The following BCL2L13 variants were observed in gnomAD, a reference collection of about 807,000 sequenced individuals.
BCL2L13 encodes the protein BCL2 like 13.
BCL2L13 carries 13 observed loss-of-function variants against 25.8 expected under a neutral mutation model. That is an observed-to-expected ratio of 0.50 (90% CI 0.33 to 0.80). The LOEUF is 0.80. Among genes scored for constraint, BCL2L13 ranks in the 30% least tolerant of loss-of-function variants. The probability of loss-of-function intolerance (pLI) is 0.02; values close to 1 mark genes in which losing one functional copy is unlikely to be tolerated. For missense variants in BCL2L13, 504 were observed against 574.9 expected (o/e 0.88, Z 1.26); for synonymous variants, 244 against 230.3 (o/e 1.06, Z -0.54).
intron 6 of BCL2L13, among the ~76,000 whole-genome samples, chr22:17,710,473 C>T (rs896140246): frequency 2.6e-5 from 4 of 151,414 alleles, no homozygotes; most frequent in Non-Finnish European, 5.9e-5. Flanking sequence ...TTAGCTGCTC[C>T]GGAGGCTGAG....
intron 2 of BCL2L13, among the ~76,000 whole-genome samples, chr22:17,657,372 TAACTC>T (rs367725316): frequency 0.035 from 1,686 of 47,542 alleles, 38 homozygotes; most frequent in African/African-American, 0.086. Flanking sequence ...CTTCTCTACT[TAACTC>T]TACTTTGTGC....
chr22:17,657,362 CT>C (rs2058907364), intron 2 of BCL2L13, among the ~76,000 whole-genome samples: 1 of 115,506 alleles, frequency 8.7e-6, no homozygotes, highest in Non-Finnish European at 1.9e-5. Flanking sequence ...CTCTCCTCAT[CT>C]TCTCTACTTA....
At chr22:17,654,932 C>T (rs918074547) in intron 1 of BCL2L13, among the ~76,000 whole-genome samples, 1 of 152,094 alleles carries the variant, frequency 6.6e-6, no homozygotes, top group Admixed American at 6.6e-5. Context: ...CTATATTGCC[C>T]AGGCTGGTCT....
At chr22:17,640,517 C>T (rs1240961237) in intron 1 of BCL2L13, among the ~76,000 whole-genome samples, 1 of 152,076 alleles carries the variant, frequency 6.6e-6, no homozygotes. Context: ...AAATATCACA[C>T]ACATTAAGCT....
chr22:17,695,282 A>G (rs2060230258), intron 4 of BCL2L13, among the ~76,000 whole-genome samples: 2 of 152,208 alleles, frequency 1.3e-5, no homozygotes, highest in Non-Finnish European at 2.9e-5. Context: ...GAAGAAGGAA[A>G]GACCAAAATA....
At chr22:17,668,952 C>T (rs1054332320) in intron 2 of BCL2L13, among the ~76,000 whole-genome samples, 2 of 150,762 alleles carry the variant, frequency 1.3e-5, no homozygotes, top group Admixed American at 1.3e-4. Context: ...TGTCTTAGTT[C>T]ATTTATATTG....
Position 17,696,154 on chromosome 22 carries a change from C to A in BCL2L13, c.400C>A (p.Gln134Lys). The stretch of plus-strand genomic sequence containing the variant: ...AAATCTCTACAGGCCAGTGACATAT[C>A]AGGCATTTCGGGAATGTACACTGGA... The part of the protein sequence containing the change: ...QMLLSQPVTY[Q>K]AFRECTLETT... Residue 134 changes from glutamine (Q) to lysine (K), a missense_variant, in exon 5 of 7, where the codon CAG (glutamine) becomes AAG (lysine). Gln to Lys is a moderately conservative substitution (Grantham distance 53). Transcript: ENST00000317582. 6.2e-7 allele frequency: 1 copy of A among 1,613,698 alleles called. No individual in the cohort carries two copies. The highest frequency in any genetic ancestry group is 8.5e-7 in the Non-Finnish European group (1 of 1,179,656).
intron 3 of BCL2L13, among the ~76,000 whole-genome samples, chr22:17,687,024 T>C (rs1601661586): frequency 6.6e-6 from 1 of 152,062 alleles, no homozygotes; most frequent in East Asian, 1.9e-4. Flanking sequence ...AACAAAGTAT[T>C]TGTGAACTTT....
chr22:17,708,954 G>A (rs1434086365), intron 6 of BCL2L13, among the ~76,000 whole-genome samples: 3 of 152,114 alleles, frequency 2.0e-5, no homozygotes, highest in African/African-American at 7.2e-5. Flanking sequence ...AGAGAGGCTC[G>A]GCCGAGCATG....
Position 17,640,421 on chromosome 22 carries a change from T to C in BCL2L13, c.-51+1535T>C, listed in dbSNP as rs921405340. Among the ~76,000 whole-genome samples the C allele has an allele frequency of 6.6e-5, 10 of 152,194 alleles. 1 individual carries two copies. Among genetic ancestry groups the C allele is most frequent in the South Asian group, 4.1e-4 (2 of 4,832 alleles). On this transcript the variant is annotated intron_variant, in intron 1 of 6. Transcript: ENST00000317582. ...AGCAAGGACCAGTAGTTGAATTCAA[T>C]TGAAAGATGCCTAAGGCTATATCTA...
chr22:17,720,466 C>T (rs1601790884), intron 6 of BCL2L13, among the ~76,000 whole-genome samples: 1 of 152,158 alleles, frequency 6.6e-6, no homozygotes, highest in Non-Finnish European at 1.5e-5. Flanking sequence ...AAGTGATTCT[C>T]CTGCCTCAGC....
At chr22:17,719,064 G>A (rs1379582889) in intron 6 of BCL2L13, among the ~76,000 whole-genome samples, 1 of 140,700 alleles carries the variant, frequency 7.1e-6, no homozygotes, top group African/African-American at 2.7e-5. Context: ...TGAGGCAGAA[G>A]AATTGCCTGA....
chr22:17,690,062 C>A (rs1384237327), intron 4 of BCL2L13, among the ~76,000 whole-genome samples: 1 of 151,038 alleles, frequency 6.6e-6, no homozygotes, highest in Non-Finnish European at 1.5e-5. Context: ...TATTAAAAAT[C>A]AGCCTGTAAT....
intron 6 of BCL2L13, chr22:17,706,645 T>C: frequency 7.9e-7 from 1 of 1,270,914 alleles, no homozygotes; most frequent in Non-Finnish European, 1.0e-6. Context: ...TTCCTCTTAG[T>C]TTCAGTTTTG....
Position 17,728,410 on chromosome 22 carries a change from G to A in BCL2L13, c.*876G>A, listed in dbSNP as rs772456252. 1 of 152,194 alleles carries A rather than the reference G, an allele frequency of 6.6e-6. No homozygotes were observed. The highest frequency in any genetic ancestry group is 2.1e-4 in the South Asian group (1 of 4,832). The allele number at this position is 152,194 out of a possible 1,614,324, so 9.4% of individuals were successfully genotyped here. ...AGTAACTCTGGCTAGAGAGACACAT[G>A]TGTCTTGTGTCAAGGCAGGAGGATA... is the stretch of plus-strand genomic sequence containing the variant. On this transcript the variant is annotated 3_prime_UTR_variant, in exon 7 of 7. Coordinates refer to ENST00000317582, the MANE Select transcript of BCL2L13 (RefSeq NM_015367.4).
At position 17,680,240 on chromosome 22, in the gene BCL2L13, G is replaced by A. The variant is rs187058773; in HGVS notation, c.122-2974G>A. ...CAAAAAAAAAAAAAAGCTGGGCACG[G>A]TGGCTCACGCCTGTAATCCCAACAC... On this transcript the variant is annotated intron_variant, in intron 2 of 6. Coordinates refer to ENST00000317582, the MANE Select transcript of BCL2L13 (RefSeq NM_015367.4). Among the ~76,000 whole-genome samples the A allele has an allele frequency of 7.2e-3, 739 of 103,308 alleles. 8 individuals are homozygous for A. The highest frequency in any genetic ancestry group is 0.022 in the African/African-American group (655 of 29,782). 67.8% of individuals were successfully genotyped at this position (103,308 alleles called of 152,430 possible).
chr22:17,694,261 C>G (rs1226534710), intron 4 of BCL2L13, among the ~76,000 whole-genome samples: 1 of 150,858 alleles, frequency 6.6e-6, no homozygotes, highest in Non-Finnish European at 1.5e-5. Flanking sequence ...TACTTGAAGT[C>G]ACTCAACAAA....
At chr22:17,636,120 TC>T (rs2058101920), upstream of BCL2L13, among the ~76,000 whole-genome samples, 1 of 149,108 alleles carries the variant, frequency 6.7e-6, no homozygotes, top group South Asian at 2.2e-4. Flanking sequence ...GGTCAGGAGT[TC>T]GAGAGCAGCC....
chr22:17,706,835 G>A, intron 6 of BCL2L13: 1 of 1,351,860 alleles, frequency 7.4e-7, no homozygotes, highest in Non-Finnish European at 9.8e-7. Context: ...GGTAAGGCTT[G>A]TATTTTACTT....
Sources: gnomAD v4.1 joint callset for allele counts (sites outside exome capture counted in the v4.1 genomes callset) on GRCh38, gnomAD v4.1.1 for gene constraint, MANE v1.5 for transcripts, NCBI Gene and HGNC (gene_info 2026-07-23, HGNC 2026-07-21) for gene names.